TSHZ2: variants seen among roughly 807,000 people sequenced by gnomAD.
TSHZ2 encodes the protein teashirt zinc finger homeobox 2, also known as teashirt homolog 2.
Under a neutral mutation model 74.4 loss-of-function variants are expected in TSHZ2, and 21 were observed. That is an observed-to-expected ratio of 0.28 (90% CI 0.20 to 0.41). TSHZ2 has a LOEUF of 0.41. Ranked by LOEUF, TSHZ2 falls within the 10% of genes least tolerant of loss-of-function variation. The pLI, the probability that TSHZ2 is intolerant of heterozygous loss-of-function variation, is 1.00. For missense variants in TSHZ2, 1,244 were observed against 1,293.5 expected (o/e 0.96, Z 0.59); for synonymous variants, 540 against 515.3 (o/e 1.05, Z -0.65).
chr20:53,107,314 G>A (rs1414077560), intron 1 of TSHZ2, among the ~76,000 whole-genome samples: 1 of 152,154 alleles, frequency 6.6e-6, no homozygotes, highest in East Asian at 1.9e-4. Flanking sequence ...GCAAGTTACT[G>A]CAACTTCTCT....
chr20:53,440,511 A>G (rs142297790), intron 2 of TSHZ2, among the ~76,000 whole-genome samples: 1 of 152,282 alleles, frequency 6.6e-6, no homozygotes, highest in East Asian at 1.9e-4. Context: ...TCATTCATCA[A>G]ACATTGACAG....
At chr20:53,215,595 G>A (rs898244020) in intron 1 of TSHZ2, among the ~76,000 whole-genome samples, 2 of 151,058 alleles carry the variant, frequency 1.3e-5, no homozygotes, top group Non-Finnish European at 1.5e-5. Flanking sequence ...GGCTGGGCAC[G>A]GTGGCTCACA....
In TSHZ2 at chr20:53,262,393, T is replaced by C. The variant is rs183145140; in HGVS notation, c.*8+5822T>C. On this transcript the variant is annotated intron_variant, in intron 2 of 2. Transcript: ENST00000371497. ...GTTGGAAATGAGCAGGCGTTCATGA[T>C]TGTTCATCAAACGGCTCCTAATGCA... Among the ~76,000 whole-genome samples the C allele has an allele frequency of 6.6e-5, 10 of 152,304 alleles. No homozygotes were observed. In the East Asian group the frequency reaches 1.9e-3, roughly 29 times the overall value.
intron 2 of TSHZ2, among the ~76,000 whole-genome samples, chr20:53,363,748 G>A (rs764864077): frequency 3.3e-5 from 5 of 152,214 alleles, no homozygotes; most frequent in Non-Finnish European, 5.9e-5. Flanking sequence ...GCGAAGTCAA[G>A]GTCGCAGTAA....
chr20:53,191,746 G>A (rs1183312180), intron 1 of TSHZ2, among the ~76,000 whole-genome samples: 2 of 152,196 alleles, frequency 1.3e-5, no homozygotes, highest in African/African-American at 2.4e-5. Flanking sequence ...AGCACTGATT[G>A]AATATTAGGA....
intron 2 of TSHZ2, among the ~76,000 whole-genome samples, chr20:53,301,608 AG>A (rs1283489050): frequency 8.5e-5 from 13 of 152,322 alleles, no homozygotes; most frequent in African/African-American, 3.1e-4. Context: ...ACGACGTAGG[AG>A]CAAGAAGGTA....
At chr20:53,226,927 T>C (rs1989699805) in intron 1 of TSHZ2, among the ~76,000 whole-genome samples, 1 of 152,214 alleles carries the variant, frequency 6.6e-6, no homozygotes, top group African/African-American at 2.4e-5. Context: ...AGTAGGGTTG[T>C]TGTTCGGGGA....
rs1454864864 is a variant in TSHZ2, at chr20:53,106,650, G to A, written c.40+133317G>A. Among the ~76,000 whole-genome samples the A allele has an allele frequency of 5.3e-5, 8 of 149,992 alleles. No homozygotes were observed. In the South Asian group the frequency reaches 6.3e-4, roughly 12 times the overall value. On this transcript the variant is annotated intron_variant, in intron 1 of 2. Transcript: ENST00000371497. ...CCATCTCCTGACCTCATGATCCGCC[G>A]GCCTCCCAAAGTGCTGGGATTACAG...
intron 2 of TSHZ2, among the ~76,000 whole-genome samples, chr20:53,284,472 G>A (rs1991126060): frequency 6.6e-6 from 1 of 152,166 alleles, no homozygotes; most frequent in Non-Finnish European, 1.5e-5. Context: ...ATCAAATGAT[G>A]ATAAGTGTAT....
At chr20:53,416,890 C>T (rs1468399318) in intron 2 of TSHZ2, among the ~76,000 whole-genome samples, 2 of 152,274 alleles carry the variant, frequency 1.3e-5, no homozygotes, top group Admixed American at 6.5e-5. Flanking sequence ...CCATTTGGTT[C>T]AATCCTTTGG....
intron 2 of TSHZ2, among the ~76,000 whole-genome samples, chr20:53,469,260 A>G (rs1985679847): frequency 6.6e-6 from 1 of 151,462 alleles, no homozygotes; most frequent in South Asian, 2.1e-4. Context: ...AATGACAATC[A>G]TGGCCAGATG....
chr20:53,356,309 T>G (rs1048300510), intron 2 of TSHZ2, among the ~76,000 whole-genome samples: 1 of 152,174 alleles, frequency 6.6e-6, no homozygotes. Context: ...GGGATAATTA[T>G]GATCTGAACT....
At chr20:53,199,135 C>T (rs950026443) in intron 1 of TSHZ2, among the ~76,000 whole-genome samples, 4 of 152,144 alleles carry the variant, frequency 2.6e-5, no homozygotes, top group South Asian at 2.1e-4. Context: ...CAGAGCCTGA[C>T]GTAGAGCCAA....
intron 1 of TSHZ2, among the ~76,000 whole-genome samples, chr20:53,121,907 TGATA>T (rs1986820267): frequency 1.3e-5 from 2 of 152,134 alleles, no homozygotes; most frequent in Admixed American, 1.3e-4. Context: ...GATCGTCTAT[TGATA>T]GATGTTGCTT....
chr20:53,131,145 C>T (rs951147446), intron 1 of TSHZ2, among the ~76,000 whole-genome samples: 1 of 152,190 alleles, frequency 6.6e-6, no homozygotes, highest in Non-Finnish European at 1.5e-5. Flanking sequence ...AAATGGAGAA[C>T]TCCTGAACGT....
At chr20:53,275,951 T>C (rs1489208524) in intron 2 of TSHZ2, among the ~76,000 whole-genome samples, 1 of 152,094 alleles carries the variant, frequency 6.6e-6, no homozygotes, top group African/African-American at 2.4e-5. Flanking sequence ...CAAACAAAAC[T>C]ATTCAGCATG....
chr20:53,433,579 A>C lies in TSHZ2; in HGVS notation c.*9-53565A>C, dbSNP rs1408881951. Among the ~76,000 whole-genome samples, 19 of 119,772 alleles carry C rather than the reference A, an allele frequency of 1.6e-4. No homozygotes were observed. The Admixed American group carries it at 1.7e-3, about 11-fold the overall frequency. 78.6% of individuals were successfully genotyped at this position (119,772 alleles called of 152,430 possible). On this transcript the variant is annotated intron_variant, in intron 2 of 2. Coordinates refer to ENST00000371497, the MANE Select transcript of TSHZ2 (RefSeq NM_173485.6). ...AACAAACCAACACAGACACACAGAC[A>C]CACAGACACACACACACACACACAC...
chr20:53,086,218 C>G (rs1568752423), intron 1 of TSHZ2, among the ~76,000 whole-genome samples: 1 of 152,200 alleles, frequency 6.6e-6, no homozygotes, highest in East Asian at 1.9e-4. Context: ...AAGGAGGGCG[C>G]TGGCATAGAC....
chr20:53,207,825 GCATGCAC>G (rs1375066010), intron 1 of TSHZ2, among the ~76,000 whole-genome samples: 2 of 150,204 alleles, frequency 1.3e-5, no homozygotes, highest in East Asian at 3.9e-4. Context: ...AGGGCTACAG[GCATGCAC>G]CATCGTGCCC....
Sources: allele counts gnomAD v4.1 joint callset (sites outside exome capture counted in the v4.1 genomes callset), GRCh38; gene constraint gnomAD v4.1.1; transcripts MANE v1.5; gene names NCBI Gene and HGNC (gene_info 2026-07-23, HGNC 2026-07-21).